The following PIEZO1 variants were observed in gnomAD, a reference collection of about 807,000 sequenced individuals.
PIEZO1 encodes piezo-type mechanosensitive ion channel component 1.
Under a neutral mutation model 297.2 loss-of-function variants are expected in PIEZO1, and 296 were observed. That is an observed-to-expected ratio of 1.00 (90% CI 0.91 to 1.10). PIEZO1 has a LOEUF of 1.10. Among genes scored for constraint, PIEZO1 ranks in the 50% least tolerant of loss-of-function variants. The pLI is 0.00. For missense variants in PIEZO1, 5,018 were observed against 3,455.5 expected (o/e 1.45, Z -11.34); for synonymous variants, 2,427 against 1,507.5 (o/e 1.61, Z -14.13).
chr16:88,780,704 T>C (rs1460547914), intron 1 of PIEZO1, among the ~76,000 whole-genome samples: 1 of 152,242 alleles, frequency 6.6e-6, no homozygotes. Context: ...CTCATGCCTG[T>C]AACCCCAGCA....
rs1022751541 is a variant in PIEZO1, at chr16:88,733,938, G to A, written c.2297C>T (p.Ala766Val). The change falls in exon 17 of 51, where the codon GCC becomes GTC. Residue 766 changes from alanine to valine, a missense_variant. Ala to Val is a moderately conservative substitution (Grantham distance 64). Transcript: ENST00000301015. ...EDSRDEGLGV[A>V]TPHQATQVPE... ...CACCTGCGTGGCCTGGTGGGGAGTG[G>A]CCACGCCCAGCCCCTCGTCCCTGGA... 6.5e-7 allele frequency: 1 copy of A among 1,539,108 alleles called. No individual in the cohort carries two copies.
At chr16:88,726,162 C>G in intron 27 of PIEZO1, 122 bp downstream of exon 27, 1 of 763,136 alleles carries the variant, frequency 1.3e-6, no homozygotes, top group Non-Finnish European at 2.1e-6. Context: ...ATGACACGCC[C>G]ATGTCACAGA....
At chr16:88,782,871 C>A (rs1279370044) in intron 1 of PIEZO1, among the ~76,000 whole-genome samples, 8 of 152,102 alleles carry the variant, frequency 5.3e-5, no homozygotes, top group Admixed American at 3.9e-4. Context: ...GGTTCTTGGC[C>A]GGCTCCACTT....
At position 88,716,120 on chromosome 16, in the gene PIEZO1, C is replaced by T; in HGVS notation, c.7130-1G>A. The T allele has an allele frequency of 6.5e-7, 1 of 1,542,872 alleles. No homozygotes were observed. Among genetic ancestry groups the T allele is most frequent in the Non-Finnish European group, 8.8e-7 (1 of 1,141,752 alleles). Reference sequence around the variant, plus strand: ...ACGCCGAGGTAGTCGGCCTCCTCATCTGGGATGGAGGGAGAAGATCGTTGA... The same window carrying T: ...ACGCCGAGGTAGTCGGCCTCCTCATTTGGGATGGAGGGAGAAGATCGTTGA... On this transcript the variant is annotated splice_acceptor_variant, in intron 49 of 50. Coordinates refer to ENST00000301015, the MANE Select transcript of PIEZO1 (RefSeq NM_001142864.4). LOFTEE classifies it high-confidence loss of function.
chr16:88,719,496 C>G, intron 44 of PIEZO1, 78 bp downstream of exon 44: 1 of 1,387,840 alleles, frequency 7.2e-7, no homozygotes. Flanking sequence ...CACGGGTTCT[C>G]GTGGCAGCAG....
At chr16:88,781,332 A>C (rs1490834728) in intron 1 of PIEZO1, among the ~76,000 whole-genome samples, 1 of 152,208 alleles carries the variant, frequency 6.6e-6, no homozygotes, top group East Asian at 1.9e-4. Flanking sequence ...CTGGGGCTGG[A>C]GCTCCCTGTG....
intron 4 of PIEZO1, 164 bp from the exon 5 acceptor site, chr16:88,741,780 G>GTCCCCC (rs1567678637): frequency 2.8e-4 from 66 of 236,644 alleles, no homozygotes; most frequent in Non-Finnish European, 3.7e-4. Flanking sequence ...GGGTCTCCAG[G>GTCCCCC]TGCGGGTGAG....
At chr16:88,721,776 C>T (rs150739508) in intron 37 of PIEZO1, 32 bp downstream of exon 37, 15,616 of 1,535,516 alleles carry the variant, frequency 0.01, 125 homozygotes, top group Middle Eastern at 0.031. Context: ...CGCGGTGGGC[C>T]GGGCGCCCCC....
chr16:88,760,582 G>A (rs148155588), intron 1 of PIEZO1, among the ~76,000 whole-genome samples: 64 of 152,318 alleles, frequency 4.2e-4, no homozygotes, highest in South Asian at 3.7e-3. Context: ...GGAACGACCC[G>A]CCTTTAAGGC....
Position 88,720,598 on chromosome 16 carries a change from C to G in PIEZO1, c.5801+18G>C. On this transcript the variant is annotated intron_variant, in intron 40 of 50. Transcript: ENST00000301015. ...CCCCACCCCCACTCCCCAGCTGCCC[C>G]CGGCCGCCATCACTCACAGGGACAG... 1 of 1,542,834 alleles carries G rather than the reference C, an allele frequency of 6.5e-7. No homozygotes were observed. Among genetic ancestry groups the G allele is most frequent in the Non-Finnish European group, 8.7e-7 (1 of 1,144,850 alleles).
chr16:88,737,351 G>C (rs1905289558), intron 10 of PIEZO1: 1 of 541,284 alleles, frequency 1.8e-6, no homozygotes, highest in African/African-American at 2.0e-5. Flanking sequence ...TGGGGGTCTT[G>C]GGGGTTGGTC....
chr16:88,718,526 T>G (rs1231714955), intron 44 of PIEZO1: 1 of 152,272 alleles, frequency 6.6e-6, no homozygotes, highest in Non-Finnish European at 1.5e-5. Context: ...TACTGCCACG[T>G]GGGTGGACCT....
At chr16:88,743,836 T>G (rs1828920186) in intron 2 of PIEZO1, 2 of 359,636 alleles carry the variant, frequency 5.6e-6, no homozygotes, top group Non-Finnish European at 1.1e-5. Flanking sequence ...CCTGACCTGC[T>G]GACCCTGCAG....
Position 88,733,959 on chromosome 16 carries a change from C to T in PIEZO1, c.2276G>A (p.Arg759Lys). The change falls in exon 17 of 51, where the codon AGG becomes AAG. Residue 759 changes from arginine to lysine, a missense_variant. Physicochemically the swap from Arg to Lys is conservative, Grantham distance 26. Transcript: ENST00000301015. ...AGTGGCCACGCCCAGCCCCTCGTCC[C>T]TGGAGTCCTCCTCCTCCTCCTCCTC... ...QEEEEEEEDS[R>K]DEGLGVATPH... 3 of 1,547,738 alleles carry T rather than the reference C, an allele frequency of 1.9e-6. No individual in the cohort carries two copies. Among genetic ancestry groups the T allele is most frequent in the Non-Finnish European group, 2.6e-6 (3 of 1,145,742 alleles).
intron 2 of PIEZO1, chr16:88,744,272 C>T (rs1015830290): frequency 6.5e-6 from 1 of 152,826 alleles, no homozygotes; most frequent in African/African-American, 2.4e-5. Flanking sequence ...TCTAGCCTGA[C>T]GTTGAAGTAA....
At chr16:88,742,252 C>T in intron 3 of PIEZO1, 48 bp downstream of exon 3, 1 of 1,516,936 alleles carries the variant, frequency 6.6e-7, no homozygotes, top group Non-Finnish European at 8.8e-7. Flanking sequence ...GGGCCCTCTC[C>T]CTGACCCCCA....
Position 88,785,031 on chromosome 16 carries a change from C to G in PIEZO1, c.-67G>C, listed in dbSNP as rs542494097. On this transcript the variant is annotated 5_prime_UTR_variant, in exon 1 of 51. Coordinates refer to ENST00000301015, the MANE Select transcript of PIEZO1 (RefSeq NM_001142864.4). ...GCGGCGCTATGGGGCGGTGCGGGGG[C>G]CCCGGGGCCGGCGCGCCATGGCTGA... 745 of 1,011,570 alleles carry G rather than the reference C, an allele frequency of 7.4e-4. 3 individuals are homozygous for G. In the African/African-American group the frequency reaches 0.011, roughly 15 times the overall value. 62.7% of individuals were successfully genotyped at this position (1,011,570 alleles called of 1,614,324 possible).
chr16:88,743,359 C>G lies in PIEZO1; in HGVS notation c.161-937G>C, dbSNP rs762221190. 1.1e-4 allele frequency: 48 copies of G among 452,218 alleles called. No individual in the cohort carries two copies. The Admixed American group carries it at 1.1e-3, about 10-fold the overall frequency. 28.0% of individuals were successfully genotyped at this position (452,218 alleles called of 1,614,324 possible). A position where few individuals can be genotyped will look rare whatever the true frequency, so the allele number is the denominator to read the frequency against. On this transcript the variant is annotated intron_variant, in intron 2 of 50. Coordinates refer to ENST00000301015, the MANE Select transcript of PIEZO1 (RefSeq NM_001142864.4). ...CTGTGGACAGCTTCCCTTTCCACCC[C>G]GGCACGTGCTGGCAGGAGCTTCCGG... is the stretch of plus-strand genomic sequence containing the variant.
intron 1 of PIEZO1, among the ~76,000 whole-genome samples, chr16:88,782,789 C>A (rs1007826312): frequency 5.9e-5 from 9 of 152,202 alleles, no homozygotes; most frequent in African/African-American, 2.2e-4. Flanking sequence ...ATCGCGGGTC[C>A]ATCTGGAGCT....
Sources: gnomAD v4.1 joint callset for allele counts (sites outside exome capture counted in the v4.1 genomes callset) on GRCh38, gnomAD v4.1.1 for gene constraint, MANE v1.5 for transcripts, NCBI Gene and HGNC (gene_info 2026-07-23, HGNC 2026-07-21) for gene names.